The following C14orf39 variants were observed in gnomAD, a reference collection of about 807,000 sequenced individuals.
C14orf39 encodes the protein chromosome 14 open reading frame 39.
A neutral mutation model predicts 85.6 loss-of-function variants in C14orf39; 66 were observed. That is an observed-to-expected ratio of 0.77 (90% CI 0.63 to 0.95). The LOEUF (loss-of-function observed/expected upper bound fraction) is 0.95, where lower values mean the gene tolerates loss of function less well. C14orf39 is among the 40% of genes least tolerant of loss of function. The probability of loss-of-function intolerance (pLI) is 0.00; values close to 1 mark genes in which losing one functional copy is unlikely to be tolerated. For missense variants in C14orf39, 735 were observed against 663.9 expected (o/e 1.11, Z -1.18); for synonymous variants, 242 against 214.0 (o/e 1.13, Z -1.14).
chr14:60,500,156 T>C (rs532592661), intron 1 of C14orf39, among the ~76,000 whole-genome samples: 2 of 152,262 alleles, frequency 1.3e-5, no homozygotes, highest in African/African-American at 2.4e-5. Context: ...GCCACCCAGA[T>C]AGCTGGGATT....
In C14orf39 at chr14:60,484,855, T is replaced by C. The variant is rs1892806903; in HGVS notation, c.106+26A>G. The C allele has an allele frequency of 6.7e-7, 1 of 1,492,234 alleles. No individual in the cohort carries two copies. Among genetic ancestry groups the C allele is most frequent in the Non-Finnish European group, 9.2e-7 (1 of 1,087,072 alleles). The allele number at this position is 1,492,234 out of a possible 1,614,324, so 92.4% of individuals were successfully genotyped here. The stretch of plus-strand genomic sequence containing the variant: ...GCCATAAGGAATTAAAAGACTAAAA[T>C]ATCTTGATCATGCAAAGCTACTTAC... On this transcript the variant is annotated intron_variant, in intron 3 of 17. Coordinates refer to ENST00000321731, the MANE Select transcript of C14orf39 (RefSeq NM_174978.3). This position sits in a 1 kb window ranked among gnomAD's most constrained non-coding sequence, Gnocchi z 4.2.
At position 60,491,476 on chromosome 14, in the gene C14orf39, C is replaced by T. The variant is rs1892987455; in HGVS notation, c.-8-6390G>A. 1.3e-5 allele frequency among the ~76,000 whole-genome samples: 2 copies of T among 152,330 alleles called. No homozygotes were observed. The highest frequency in any genetic ancestry group is 4.1e-4 in the South Asian group (2 of 4,828). Reference sequence around the variant, plus strand: ...TCAAACCACAGCACAAGCTCAAACACAGCTCATGTATTTCCCCCACTAATG... The same window carrying T: ...TCAAACCACAGCACAAGCTCAAACATAGCTCATGTATTTCCCCCACTAATG... On this transcript the variant is annotated intron_variant, in intron 2 of 5. Transcript: ENST00000556799. The surrounding 1 kb of genome is among the most constrained non-coding windows in gnomAD (Gnocchi z 4.5).
chr14:60,437,978 C>T (rs1306155139), intron 17 of C14orf39, among the ~76,000 whole-genome samples: 2 of 151,432 alleles, frequency 1.3e-5, no homozygotes. Context: ...ATATTTTCAA[C>T]ATCCTAATTC....
chr14:60,453,370 G>A (rs968251796), intron 16 of C14orf39, among the ~76,000 whole-genome samples: 3 of 144,814 alleles, frequency 2.1e-5, no homozygotes, highest in Non-Finnish European at 4.5e-5. Context: ...TAGCTACTGT[G>A]ACCTTCTAAT....
intron 17 of C14orf39, among the ~76,000 whole-genome samples, chr14:60,440,621 C>G (rs1364751308): frequency 6.6e-6 from 1 of 152,156 alleles, no homozygotes; most frequent in African/African-American, 2.4e-5. Context: ...CAGAATAATT[C>G]TTTTAAAACC....
At chr14:60,510,620 T>C (rs1006182696) in intron 1 of C14orf39, among the ~76,000 whole-genome samples, 1 of 152,108 alleles carries the variant, frequency 6.6e-6, no homozygotes, top group African/African-American at 2.4e-5. Flanking sequence ...CTTACAATCC[T>C]TTTTGCCTTT....
upstream of C14orf39, among the ~76,000 whole-genome samples, chr14:60,487,411 CATA>C (rs879937914): frequency 6.6e-6 from 1 of 152,048 alleles, no homozygotes; most frequent in Non-Finnish European, 1.5e-5. Context: ...CTTCAATTAG[CATA>C]ATGTCCCACA....
chr14:60,453,082 T>A (rs1029292764), intron 16 of C14orf39, among the ~76,000 whole-genome samples: 1 of 152,126 alleles, frequency 6.6e-6, no homozygotes, highest in African/African-American at 2.4e-5. Context: ...AGGTGATTGA[T>A]GATGTTATTC....
intron 2 of C14orf39, chr14:60,494,832 T>A (rs1039549271): frequency 6.5e-6 from 1 of 152,744 alleles, no homozygotes; most frequent in African/African-American, 2.4e-5. Flanking sequence ...TAGGGGGAGG[T>A]GCAAGGACCT....
chr14:60,504,615 C>G (rs1230630798), intron 1 of C14orf39, among the ~76,000 whole-genome samples: 1 of 152,180 alleles, frequency 6.6e-6, no homozygotes, highest in Non-Finnish European at 1.5e-5. Flanking sequence ...TTTTAAGTGA[C>G]AAGCTGGCTA....
chr14:60,436,345 C>T lies in C14orf39; in HGVS notation c.*500G>A, dbSNP rs1479575170. 2 of 152,048 alleles carry T rather than the reference C, an allele frequency of 1.3e-5. No individual in the cohort carries two copies. The highest frequency in any genetic ancestry group is 1.9e-4 in the East Asian group (1 of 5,198). The allele number at this position is 152,048 out of a possible 1,614,324, so 9.4% of individuals were successfully genotyped here. A position where few individuals can be genotyped will look rare whatever the true frequency, so the allele number is the denominator to read the frequency against. On this transcript the variant is annotated 3_prime_UTR_variant, in exon 18 of 18. Transcript: ENST00000321731. ...AAAATAACACAGATTTTGTTATTAA[C>T]ATAAATTATTTGAAATTATTATTAC...
rs1284397995 is a variant in C14orf39 at position 60,461,231 on chromosome 14, C to A, written c.1117+123G>T. On this transcript the variant is annotated intron_variant, in intron 13 of 17. Coordinates refer to ENST00000321731, the MANE Select transcript of C14orf39 (RefSeq NM_174978.3). The stretch of plus-strand genomic sequence containing the variant: ...TATTTAGGGAAGATGTATTTTAAAG[C>A]CAGGCGTGCATGGTCAGTTAACCAG... 1.5e-5 allele frequency: 10 copies of A among 684,772 alleles called. No individual in the cohort carries two copies. The East Asian group carries it at 2.7e-4, about 19-fold the overall frequency. 42.4% of individuals were successfully genotyped at this position (684,772 alleles called of 1,614,324 possible).
chr14:60,475,218 T>C (rs1892312978), intron 5 of C14orf39, among the ~76,000 whole-genome samples: 1 of 152,190 alleles, frequency 6.6e-6, no homozygotes, highest in Non-Finnish European at 1.5e-5. Flanking sequence ...CTGATGGTAG[T>C]TTGTATTTCT....
At chr14:60,455,451 GAAT>G (rs1274311195) in intron 15 of C14orf39, among the ~76,000 whole-genome samples, 2 of 152,162 alleles carry the variant, frequency 1.3e-5, no homozygotes, top group Non-Finnish European at 2.9e-5. Context: ...TTGCTTAAAA[GAAT>G]AATAAGTGCC....
In C14orf39 at chr14:60,437,034, C is replaced by T; in HGVS notation, c.1575G>A (p.Glu525=). 6.2e-7 allele frequency: 1 copy of T among 1,603,102 alleles called. No individual in the cohort carries two copies. Among genetic ancestry groups the T allele is most frequent in the Non-Finnish European group, 8.5e-7 (1 of 1,175,930 alleles). ...SSEQEIGNLL[E]KPEGEDGFTF... is the part of the protein sequence containing the mutation. ...TAAAGCCATCTTCTCCTTCTGGCTT[C>T]TCAAGTAAGTTTCCTAAGGAAGATA... Residue 525 remains glutamate, a synonymous_variant, in exon 18 of 18, where the codon GAG becomes GAA. Coordinates refer to ENST00000321731, the MANE Select transcript of C14orf39 (RefSeq NM_174978.3).
intron 1 of C14orf39, chr14:60,509,148 T>C (rs1298808875): frequency 1.8e-6 from 1 of 545,846 alleles, no homozygotes; most frequent in African/African-American, 2.0e-5. Flanking sequence ...CCCACCCCAA[T>C]AGCGGAGCCA....
intron 1 of C14orf39, chr14:60,512,037 GTATGTACCTA>G (rs1893303162): frequency 4.6e-5 from 7 of 151,356 alleles, no homozygotes; most frequent in Non-Finnish European, 7.4e-5. Flanking sequence ...ACAAACATAT[GTATGTACCTA>G]TACAAACATA....
At chr14:60,443,230 C>T (rs533992779) in intron 16 of C14orf39, among the ~76,000 whole-genome samples, 6 of 152,290 alleles carry the variant, frequency 3.9e-5, no homozygotes, top group Admixed American at 2.0e-4. Flanking sequence ...TCCCCTCACC[C>T]GTGAAGTGCA....
chr14:60,451,325 A>C (rs111820595), intron 16 of C14orf39, among the ~76,000 whole-genome samples: 1,993 of 152,262 alleles, frequency 0.013, 21 homozygotes, highest in African/African-American at 0.025. Context: ...TTGACCCAGC[A>C]ATCCCATTAC....
Sources: gnomAD v4.1 joint callset for allele counts (sites outside exome capture counted in the v4.1 genomes callset) on GRCh38, gnomAD v4.1.1 for gene constraint, Gnocchi (gnomAD v3.1) non-coding constraint, MANE v1.5 for transcripts, NCBI Gene and HGNC (gene_info 2026-07-23, HGNC 2026-07-21) for gene names.